The following PTCHD4 variants were observed in gnomAD, a reference collection of about 807,000 sequenced individuals.
The protein encoded by PTCHD4 is patched domain containing 4, also known as patched domain-containing protein 4.
PTCHD4 carries 33 observed loss-of-function variants against 58.1 expected under a neutral mutation model. That is an observed-to-expected ratio of 0.57 (90% CI 0.43 to 0.76). The LOEUF (loss-of-function observed/expected upper bound fraction) is 0.76. PTCHD4 is among the 30% of genes least tolerant of loss of function. The pLI, the probability that PTCHD4 is intolerant of heterozygous loss-of-function variation, is 0.00. For synonymous variants in PTCHD4, 478 were observed against 409.6 expected (o/e 1.17, Z -2.02); for missense variants, 1,058 against 1,027.1 (o/e 1.03, Z -0.41).
rs954228900 is a variant in PTCHD4, at chr6:47,864,454, T to C, written c.*13849A>G. ...TCTGGCACATAGAAGATGTTTAAAATTCTTCTTGAATGAAAGATTTGGAGA... is the reference window on the plus strand; with the variant it reads ...TCTGGCACATAGAAGATGTTTAAAACTCTTCTTGAATGAAAGATTTGGAGA... On this transcript the variant is annotated 3_prime_UTR_variant, in exon 5 of 5. Coordinates refer to ENST00000339488, the MANE Select transcript of PTCHD4 (RefSeq NM_001384253.1). Among the ~76,000 whole-genome samples, 1 of 151,896 alleles carries C rather than the reference T, an allele frequency of 6.6e-6. No homozygotes were observed. The highest frequency in any genetic ancestry group is 1.5e-5 in the Non-Finnish European group (1 of 67,872).
chr6:47,955,312 T>C (rs779440049), intron 4 of PTCHD4, among the ~76,000 whole-genome samples: 2 of 152,232 alleles, frequency 1.3e-5, no homozygotes, highest in Admixed American at 6.5e-5. Flanking sequence ...CAGCTGGAGA[T>C]ATCTTATTTG....
At chr6:48,098,344 T>TCTTCTTC (rs1172430988) in intron 1 of PTCHD4, among the ~76,000 whole-genome samples, 109 of 137,746 alleles carry the variant, frequency 7.9e-4, no homozygotes, top group African/African-American at 2.4e-3. Flanking sequence ...TTCTTCTTCT[T>TCTTCTTC]TTTTTTTTTT....
intron 3 of PTCHD4, among the ~76,000 whole-genome samples, chr6:48,051,605 C>T (rs949784691): frequency 1.5e-4 from 23 of 151,990 alleles, no homozygotes; most frequent in African/African-American, 3.9e-4. Context: ...GGTCCATACC[C>T]ATAAAATTTT....
At chr6:48,072,288 G>A (rs1212394389) in intron 1 of PTCHD4, among the ~76,000 whole-genome samples, 1 of 152,022 alleles carries the variant, frequency 6.6e-6, no homozygotes, top group Non-Finnish European at 1.5e-5. Context: ...TATTGGCATG[G>A]ACTCATGGAT....
chr6:47,878,559 T>G lies in PTCHD4; in HGVS notation c.2276A>C (p.Asn759Thr), dbSNP rs767898264. The G allele has an allele frequency of 1.1e-5, 18 of 1,613,492 alleles. No homozygotes were observed. Among genetic ancestry groups the G allele is most frequent in the Non-Finnish European group, 1.1e-5 (13 of 1,179,726 alleles). ...LQDHGTAILQNVTSFLIGLVP... is the reference protein window; with the variant it reads ...LQDHGTAILQTVTSFLIGLVP... ...TAACCCAATAAGAAAAGAAGTAACA[T>G]TTTGCAAAATGGCTGTCCCATGGTC... The change falls in exon 5 of 5, where the codon AAT becomes ACT. Residue 759 changes from asparagine (N) to threonine (T), a missense_variant. Physicochemically the swap from Asn to Thr is moderately conservative, Grantham distance 65. Coordinates refer to ENST00000339488, the MANE Select transcript of PTCHD4 (RefSeq NM_001384253.1).
At chr6:47,986,889 C>A (rs974275110) in intron 4 of PTCHD4, among the ~76,000 whole-genome samples, 3 of 152,156 alleles carry the variant, frequency 2.0e-5, no homozygotes, top group African/African-American at 7.2e-5. Flanking sequence ...AGGGGAAATA[C>A]CTGCTTGATA....
In PTCHD4 at chr6:48,103,230, G is replaced by A. The variant is rs530440397; in HGVS notation, c.-970+7819C>T. Among the ~76,000 whole-genome samples the A allele has an allele frequency of 4.6e-5, 7 of 152,220 alleles. No homozygotes were observed. In the South Asian group the frequency reaches 8.3e-4, roughly 18 times the overall value. ...GTAGGGGCAGACTGACACCTCACAC[G>A]GCCGGGTACTCCTCTGAGACAAAAA... On this transcript the variant is annotated intron_variant, in intron 1 of 4. Transcript: ENST00000339488.
chr6:48,094,791 AATCTC>A lies in PTCHD4; in HGVS notation c.-970+16253_-970+16257del, dbSNP rs1339933977. On this transcript the variant is annotated intron_variant, in intron 1 of 4. Coordinates refer to ENST00000339488, the MANE Select transcript of PTCHD4 (RefSeq NM_001384253.1). The stretch of plus-strand genomic sequence containing the variant: ...GATAAATATGGTTTCTCTTCCTTGA[AATCTC>A]AGCAGGTTAGAGGAAGAAGTGACTT... 5.3e-5 allele frequency among the ~76,000 whole-genome samples: 8 copies of A among 152,322 alleles called. No individual in the cohort carries two copies. The East Asian group carries it at 1.5e-3, about 29-fold the overall frequency.
chr6:47,979,342 GA>G (rs1051322037), intron 4 of PTCHD4, among the ~76,000 whole-genome samples: 28 of 151,986 alleles, frequency 1.8e-4, no homozygotes, highest in African/African-American at 6.5e-4. Context: ...TTACATAAAT[GA>G]AAAAAGAACT....
At chr6:47,971,876 G>A (rs1767526168) in intron 4 of PTCHD4, among the ~76,000 whole-genome samples, 1 of 152,160 alleles carries the variant, frequency 6.6e-6, no homozygotes. Context: ...AGGGCTCCAG[G>A]AGTGACTGTT....
At chr6:47,997,221 T>G (rs955615609) in intron 4 of PTCHD4, among the ~76,000 whole-genome samples, 1 of 152,194 alleles carries the variant, frequency 6.6e-6, no homozygotes, top group Admixed American at 6.5e-5. Flanking sequence ...TTCGATGAAG[T>G]GAGCCAGTTA....
rs745572149 is a variant in PTCHD4 at position 48,069,279 on chromosome 6, G to T, written c.-322C>A. Among the ~76,000 whole-genome samples the T allele has an allele frequency of 2.0e-5, 3 of 152,056 alleles. No homozygotes were observed. The highest frequency in any genetic ancestry group is 2.9e-5 in the Non-Finnish European group (2 of 67,990). On this transcript the variant is annotated 5_prime_UTR_variant, in exon 2 of 5. Transcript: ENST00000339488. The stretch of plus-strand genomic sequence containing the variant: ...TTGTGTTCCCTCTTCCCTCCCCGCT[G>T]GAGTGAATTGAAGAGGAAATAAATG...
intron 4 of PTCHD4, among the ~76,000 whole-genome samples, chr6:48,001,721 A>G (rs1768729129): frequency 6.6e-6 from 1 of 152,232 alleles, no homozygotes; most frequent in African/African-American, 2.4e-5. Context: ...TGTCTAAAAC[A>G]CCAAAAGCAA....
At chr6:48,057,113 C>T (rs148033638) in intron 3 of PTCHD4, among the ~76,000 whole-genome samples, 1 of 152,304 alleles carries the variant, frequency 6.6e-6, no homozygotes, top group Non-Finnish European at 1.5e-5. Context: ...TTAGCTGAAG[C>T]CACATGGGTG....
At chr6:47,994,272 GCATGAACCC>G (rs985329542) in intron 4 of PTCHD4, among the ~76,000 whole-genome samples, 1 of 152,200 alleles carries the variant, frequency 6.6e-6, no homozygotes, top group African/African-American at 2.4e-5. Context: ...AGAGTGACCA[GCATGAACCC>G]CATGCAAGGC....
intron 4 of PTCHD4, chr6:47,901,046 C>G (rs1250934196): frequency 6.7e-6 from 1 of 150,142 alleles, no homozygotes; most frequent in Non-Finnish European, 1.5e-5. Context: ...CCCAGCTACT[C>G]GGGAGGCTGA....
rs1462278899 is a variant in PTCHD4, at chr6:47,873,120, G to A, written c.*5183C>T. On this transcript the variant is annotated 3_prime_UTR_variant, in exon 5 of 5. Coordinates refer to ENST00000339488, the MANE Select transcript of PTCHD4 (RefSeq NM_001384253.1). ...GGTCTACGGCTCTTCCTTTGTGCTT[G>A]GAAATTCAGGAGCACCTCCCACTGC... Among the ~76,000 whole-genome samples, 4 of 151,564 alleles carry A rather than the reference G, an allele frequency of 2.6e-5. No homozygotes were observed. The highest frequency in any genetic ancestry group is 5.9e-5 in the Non-Finnish European group (4 of 67,712).
At chr6:48,070,559 C>T (rs1483068586) in intron 1 of PTCHD4, among the ~76,000 whole-genome samples, 1 of 152,194 alleles carries the variant, frequency 6.6e-6, no homozygotes, top group African/African-American at 2.4e-5. Flanking sequence ...ACCTTGGCGG[C>T]CATTCTGTTT....
intron 4 of PTCHD4, among the ~76,000 whole-genome samples, chr6:47,883,256 C>A (rs1433978975): frequency 1.3e-5 from 2 of 151,944 alleles, no homozygotes; most frequent in Non-Finnish European, 2.9e-5. Context: ...AATTCTGAGA[C>A]CAAGATTATA....
Sources: allele counts gnomAD v4.1 joint callset (sites outside exome capture counted in the v4.1 genomes callset), GRCh38; gene constraint gnomAD v4.1.1; transcripts MANE v1.5; gene names NCBI Gene and HGNC (gene_info 2026-07-23, HGNC 2026-07-21).